Variants in MX1 observed in about 807,000 individuals in gnomAD.
MX1 encodes MX dynamin like GTPase 1.
In MX1, 66 loss-of-function variants were observed where a neutral mutation model predicts 66.4. The ratio of observed to expected loss-of-function variants is 0.99; its 90% CI spans 0.82 to 1.22. The LOEUF is 1.22. MX1 is among the 50% of genes most tolerant of loss of function. The pLI, the probability that MX1 is intolerant of heterozygous loss-of-function variation, is 0.00. For synonymous variants in MX1, 311 were observed against 318.1 expected, an observed-to-expected ratio of 0.98 and a Z score of 0.24; for missense variants, 787 against 834.3, an observed-to-expected ratio of 0.94 and a Z score of 0.70.
rs1256485519 is a variant in MX1 at position 41,449,151 on chromosome 21, A to C, written c.1288A>C (p.Ser430Arg). ...TCCTGCTATAGGCCATAAAATTTTG[A>C]GTAGAAAAATCCAGAAATTTGAAAA... ...NNFQEGHKIL[S>R]RKIQKFENQY... Residue 430 changes from serine (S) to arginine (R), a missense_variant, in exon 14 of 17, where the codon AGT becomes CGT. Ser to Arg is a moderately radical substitution (Grantham distance 110). Coordinates refer to ENST00000398598, the MANE Select transcript of MX1 (RefSeq NM_002462.5). 1.2e-6 allele frequency: 2 copies of C among 1,611,158 alleles called. No homozygotes were observed. Among genetic ancestry groups the C allele is most frequent in the East Asian group, 2.2e-5 (1 of 44,840 alleles).
chr21:41,454,337 C>G (rs1484188968), intron 16 of MX1, among the ~76,000 whole-genome samples: 1 of 152,120 alleles, frequency 6.6e-6, no homozygotes, highest in Non-Finnish European at 1.5e-5. Flanking sequence ...TTAACCCCTG[C>G]CTCACATGAC....
intron 1 of MX1, chr21:41,426,597 A>G (rs1351239497): frequency 1.3e-5 from 2 of 152,128 alleles, no homozygotes; most frequent in Non-Finnish European, 2.9e-5. Context: ...GAGGGACTCT[A>G]GTAAGCGGGG....
Position 41,458,735 on chromosome 21 carries a change from C to G in MX1, c.1966C>G (p.Arg656Gly). Residue 656 changes from arginine (R) to glycine (G), a missense_variant, in exon 17 of 17, where the codon CGG becomes GGG. Transcript: ENST00000398598. ...TGCACGGCTGACGCAGGCTCGGCGC[C>G]GGCTTGCCCAGTTCCCCGGTTAACC... is the stretch of plus-strand genomic sequence containing the variant. ...RLARLTQARR[R>G]LAQFPG 1 of 1,612,988 alleles carries G rather than the reference C, an allele frequency of 6.2e-7. No individual in the cohort carries two copies. Among genetic ancestry groups the G allele is most frequent in the South Asian group, 1.1e-5 (1 of 91,074 alleles).
intron 10 of MX1, among the ~76,000 whole-genome samples, chr21:41,443,097 A>G (rs1251058535): frequency 6.6e-6 from 1 of 152,262 alleles, no homozygotes; most frequent in African/African-American, 2.4e-5. Context: ...AGATGGTTAA[A>G]TGGTCAATTT....
chr21:41,452,480 G>A (rs777549566), intron 15 of MX1, 141 bp from the exon 16 acceptor site: 7 of 899,460 alleles, frequency 7.8e-6, no homozygotes, highest in South Asian at 1.8e-5. Flanking sequence ...ACACCAGGGC[G>A]CGGCCCAGAG....
intron 13 of MX1, 113 bp from the exon 14 acceptor site, chr21:41,449,024 C>G: frequency 4.0e-6 from 3 of 743,458 alleles, no homozygotes; most frequent in Non-Finnish European, 2.0e-6. Context: ...TGATTTGATA[C>G]CACTTTTTCT....
rs1298776703 is a variant in MX1 at position 41,435,998 on chromosome 21, A to G, written c.267A>G (p.Ala89=). Residue 89 remains alanine, a synonymous_variant, in exon 6 of 17, where the codon GCA becomes GCG. Transcript: ENST00000398598. Reference sequence around the variant, plus strand: ...CGGGCAAGAGCTCCGTGTTGGAGGCACTGTCAGGAGTTGCCCTTCCCAGAG... The same window carrying G: ...CGGGCAAGAGCTCCGTGTTGGAGGCGCTGTCAGGAGTTGCCCTTCCCAGAG... ...QSSGKSSVLE[A]LSGVALPRGS... is the part of the protein sequence containing the mutation. 1.2e-6 allele frequency: 2 copies of G among 1,614,210 alleles called. No individual in the cohort carries two copies. The highest frequency in any genetic ancestry group is 1.6e-4 in the Middle Eastern group (1 of 6,062).
chr21:41,452,739 A>G lies in MX1; in HGVS notation c.1628A>G (p.Gln543Arg). The G allele has an allele frequency of 6.2e-7, 1 of 1,614,236 alleles. No homozygotes were observed. Among genetic ancestry groups the G allele is most frequent in the Non-Finnish European group, 8.5e-7 (1 of 1,180,032 alleles). Residue 543 changes from glutamine (Q) to arginine (R), a missense_variant, in exon 16 of 17, where the codon CAG becomes CGG. By Grantham distance (43) the Gln-to-Arg change is conservative. Coordinates refer to ENST00000398598, the MANE Select transcript of MX1 (RefSeq NM_002462.5). The part of the protein sequence containing the change: ...CQDQVYRGAL[Q>R]KVREKELEEE... Reference sequence around the variant, plus strand: ...GACCAGGTATACAGGGGTGCATTGCAGAAGGTCAGAGAGAAGGAGCTGGAA... The same window carrying G: ...GACCAGGTATACAGGGGTGCATTGCGGAAGGTCAGAGAGAAGGAGCTGGAA...
chr21:41,452,331 AG>A (rs1015056131), intron 15 of MX1, among the ~76,000 whole-genome samples: 5 of 152,220 alleles, frequency 3.3e-5, no homozygotes, highest in South Asian at 2.1e-4. Context: ...TAAAAGAGAA[AG>A]GAAAGAAGCT....
intron 7 of MX1, among the ~76,000 whole-genome samples, chr21:41,437,716 TG>T (rs1255167322): frequency 1.3e-5 from 2 of 152,236 alleles, no homozygotes; most frequent in African/African-American, 2.4e-5. Flanking sequence ...ATGGATGATC[TG>T]TCCCTTATTC....
intron 8 of MX1, 45 bp downstream of exon 8, chr21:41,439,893 G>A: frequency 6.4e-7 from 1 of 1,570,074 alleles, no homozygotes; most frequent in African/African-American, 1.4e-5. Context: ...GCGTGGGGAT[G>A]GGGGAGTGGA....
chr21:41,443,586 A>AT (rs1425068717), intron 10 of MX1: 2 of 598,168 alleles, frequency 3.3e-6, no homozygotes, highest in Admixed American at 3.0e-5. Context: ...ATTCCATATC[A>AT]TTGTGGAAAT....
chr21:41,424,002 C>T (rs762294421), upstream of MX1, among the ~76,000 whole-genome samples: 2 of 152,100 alleles, frequency 1.3e-5, no homozygotes, highest in Non-Finnish European at 2.9e-5. Flanking sequence ...TGATTTTGTT[C>T]GTGAACAAGG....
chr21:41,425,004 G>A (rs1249813254), upstream of MX1, among the ~76,000 whole-genome samples: 2 of 152,230 alleles, frequency 1.3e-5, no homozygotes, highest in Non-Finnish European at 2.9e-5. Flanking sequence ...TGGAGGCTGG[G>A]GTCCCGAGGC....
chr21:41,451,333 C>A (rs988219998), intron 15 of MX1, 90 bp downstream of exon 15: 2 of 868,740 alleles, frequency 2.3e-6, no homozygotes, highest in Non-Finnish European at 3.7e-6. Flanking sequence ...AGGATTATTT[C>A]AACTTTATTG....
Position 41,451,263 on chromosome 21 carries a change from GT to G in MX1, c.1509+23del. 4.2e-6 allele frequency: 6 copies of G among 1,436,110 alleles called. No individual in the cohort carries two copies. Among genetic ancestry groups the G allele is most frequent in the Non-Finnish European group, 5.8e-6 (6 of 1,040,916 alleles). 89.0% of individuals were successfully genotyped at this position (1,436,110 alleles called of 1,614,324 possible). A position where few individuals can be genotyped will look rare whatever the true frequency, so the allele number is the denominator to read the frequency against. On this transcript the variant is annotated intron_variant, in intron 15 of 16. Coordinates refer to ENST00000398598, the MANE Select transcript of MX1 (RefSeq NM_002462.5). Reference sequence around the variant, plus strand: ...GCCAAGGTAAAACCAACCATGTGTTGTTTAAAAAAAAAAAAGAAAAGAAATT... The same window carrying G: ...GCCAAGGTAAAACCAACCATGTGTTGTTAAAAAAAAAAAAGAAAAGAAATT...
At chr21:41,448,190 C>T (rs770762893) in intron 13 of MX1, among the ~76,000 whole-genome samples, 32 of 152,202 alleles carry the variant, frequency 2.1e-4, no homozygotes, top group Admixed American at 4.6e-4. Flanking sequence ...CTAACTCTCT[C>T]TAGTGTGGAT....
At chr21:41,449,042 T>C (rs1296468447) in intron 13 of MX1, 95 bp from the exon 14 acceptor site, 2 of 1,226,538 alleles carry the variant, frequency 1.6e-6, no homozygotes, top group Non-Finnish European at 2.2e-6. Context: ...TCTTGCCATT[T>C]ATATTTTCAG....
intron 5 of MX1, among the ~76,000 whole-genome samples, chr21:41,433,827 AATAG>A (rs2090288830): frequency 6.6e-6 from 1 of 152,204 alleles, no homozygotes; most frequent in African/African-American, 2.4e-5. Context: ...CACTTTTGTA[AATAG>A]ATAGTATAAA....
Sources: allele counts gnomAD v4.1 joint callset (sites outside exome capture counted in the v4.1 genomes callset), GRCh38; gene constraint gnomAD v4.1.1; transcripts MANE v1.5; gene names NCBI Gene and HGNC (gene_info 2026-07-23, HGNC 2026-07-21).